Variants in TRIM34 observed in about 807,000 individuals in gnomAD.
TRIM34 encodes E3 ubiquitin-protein ligase TRIM34.
A neutral mutation model predicts 38.1 loss-of-function variants in TRIM34; 41 were observed. That is an observed-to-expected ratio of 1.08 (90% CI 0.84 to 1.40). TRIM34 has a LOEUF of 1.40. TRIM34 is among the 40% of genes most tolerant of loss of function. TRIM34 has a pLI of 0.00. For missense variants in TRIM34, 556 were observed against 571.4 expected, an observed-to-expected ratio of 0.97 and a Z score of 0.27; for synonymous variants, 200 against 202.5, an observed-to-expected ratio of 0.99 and a Z score of 0.10.
chr11:5,625,519 C>T (rs1564880904), intron 1 of TRIM34, among the ~76,000 whole-genome samples: 2 of 152,112 alleles, frequency 1.3e-5, no homozygotes, highest in Admixed American at 6.6e-5. Context: ...TAGTATGTGG[C>T]GTCAGATAGA....
chr11:5,642,316 C>A, intron 5 of TRIM34, 90 bp from the exon 6 acceptor site: 1 of 1,180,486 alleles, frequency 8.5e-7, no homozygotes, highest in South Asian at 1.4e-5. Context: ...TCAAGTGCAT[C>A]AGTGATGTGA....
intron 4 of TRIM34, among the ~76,000 whole-genome samples, chr11:5,638,993 T>G (rs1415862750): frequency 6.6e-6 from 1 of 152,188 alleles, no homozygotes; most frequent in Non-Finnish European, 1.5e-5. Flanking sequence ...TTTCAATCTA[T>G]ATCTATCTTT....
At position 5,634,548 on chromosome 11, in the gene TRIM34, T is replaced by TATATATA. The variant is rs1849640761; in HGVS notation, c.520-83_520-82insATATATA. 6 of 987,928 alleles carry TATATATA rather than the reference T, an allele frequency of 6.1e-6. No individual in the cohort carries two copies. In the African/African-American group the frequency reaches 8.8e-5, roughly 14 times the overall value. The allele number at this position is 987,928 out of a possible 1,614,324, so 61.2% of individuals were successfully genotyped here. A position where few individuals can be genotyped will look rare whatever the true frequency, so the allele number is the denominator to read the frequency against. ...ACACACACATATATATATATATATA[T>TATATATA]TTCCCTACTGGCTCCTAATCCCTTG... On this transcript the variant is annotated intron_variant, in intron 3 of 7. Transcript: ENST00000429814.
At chr11:5,638,432 AAC>A (rs1347839341) in intron 4 of TRIM34, among the ~76,000 whole-genome samples, 1 of 152,258 alleles carries the variant, frequency 6.6e-6, no homozygotes, top group African/African-American at 2.4e-5. Context: ...GTTGTTGAAC[AAC>A]AAAACTATGC....
chr11:5,620,351 G>A (rs1848945312), upstream of TRIM34, among the ~76,000 whole-genome samples: 6 of 151,316 alleles, frequency 4.0e-5, no homozygotes, highest in Admixed American at 3.9e-4. Flanking sequence ...CTAAGCTTTT[G>A]TATTTTTAGT....
rs546873590 is a variant in TRIM34, at chr11:5,635,375, A to C, written c.750+514A>C. On this transcript the variant is annotated intron_variant, in intron 4 of 7. Transcript: ENST00000429814. ...GGTTCACGCCATTCTCCTGCCCAGC[A>C]TCCCGAGTAGCTGGGACTACAGGCA... Among the ~76,000 whole-genome samples the C allele has an allele frequency of 2.9e-3, 439 of 151,018 alleles. 1 individual carries two copies. Among genetic ancestry groups the C allele is most frequent in the Middle Eastern group, 0.01 (3 of 292 alleles).
intron 1 of TRIM34, chr11:5,626,599 A>C (rs1408935427): frequency 1.3e-5 from 2 of 152,174 alleles, no homozygotes; most frequent in East Asian, 3.9e-4. Context: ...GTGAGTTCTT[A>C]CCAGGCGCGG....
At chr11:5,637,172 A>G (rs1372248860) in intron 4 of TRIM34, among the ~76,000 whole-genome samples, 3 of 149,286 alleles carry the variant, frequency 2.0e-5, no homozygotes, top group Admixed American at 1.3e-4. Flanking sequence ...GACTCAGTCT[A>G]AAAAAAAAAG....
rs77178606 is a variant in TRIM34, at chr11:5,627,526, G to A, written c.-78+2466G>A. On this transcript the variant is annotated intron_variant, in intron 1 of 7. Coordinates refer to ENST00000429814, the MANE Select transcript of TRIM34 (RefSeq NM_021616.6). ...AACTCTTTCAGCATATTCTCACGAA[G>A]TAACAGACAGAAAAAGACATTAGGG... Among the ~76,000 whole-genome samples, 1,426 of 152,302 alleles carry A rather than the reference G, an allele frequency of 9.4e-3. 21 individuals are homozygous for A. The highest frequency in any genetic ancestry group is 0.033 in the African/African-American group (1,361 of 41,550).
At chr11:5,625,927 G>GCTTCT (rs1367473862) in intron 1 of TRIM34, among the ~76,000 whole-genome samples, 7 of 152,244 alleles carry the variant, frequency 4.6e-5, no homozygotes, top group African/African-American at 1.4e-4. Flanking sequence ...GGGCTCAGAA[G>GCTTCT]GAGCCCACGG....
At position 5,644,276 on chromosome 11, in the gene TRIM34, A is replaced by C. The variant is rs1443915085; in HGVS notation, c.*567A>C. 2 of 398,810 alleles carry C rather than the reference A, an allele frequency of 5.0e-6. No homozygotes were observed. The highest frequency in any genetic ancestry group is 2.1e-5 in the African/African-American group (1 of 48,624). The allele number at this position is 398,810 out of a possible 1,614,324, so 24.7% of individuals were successfully genotyped here. On this transcript the variant is annotated 3_prime_UTR_variant, in exon 8 of 8. Coordinates refer to ENST00000429814, the MANE Select transcript of TRIM34 (RefSeq NM_021616.6). ...CTCAGTTTCTTTTTCCTGAAATATAAATTGGGATTTAAGACTGTACCTAAC... is the reference window on the plus strand; with the variant it reads ...CTCAGTTTCTTTTTCCTGAAATATACATTGGGATTTAAGACTGTACCTAAC...
At chr11:5,633,203 G>A (rs576878186) in intron 2 of TRIM34, among the ~76,000 whole-genome samples, 328 of 148,466 alleles carry the variant, frequency 2.2e-3, no homozygotes, top group African/African-American at 7.8e-3. Context: ...GGGTGCAGGC[G>A]GACTGAGTCT....
chr11:5,633,950 T>C, intron 3 of TRIM34, 51 bp downstream of exon 3: 1 of 1,598,436 alleles, frequency 6.3e-7, no homozygotes, highest in Non-Finnish European at 8.5e-7. Flanking sequence ...GACAGGACCT[T>C]AATCCAAGGA....
In TRIM34 at chr11:5,633,909, G is replaced by T; in HGVS notation, c.519+10G>T. ...GAAAACTTCCTGGAAGGCAAGAGGA[G>T]ATTCTGAAGGTTTTCTGAGACAGGA... On this transcript the variant is annotated intron_variant, in intron 3 of 7. Coordinates refer to ENST00000429814, the MANE Select transcript of TRIM34 (RefSeq NM_021616.6). 1 of 1,613,074 alleles carries T rather than the reference G, an allele frequency of 6.2e-7. No homozygotes were observed. The highest frequency in any genetic ancestry group is 8.5e-7 in the Non-Finnish European group (1 of 1,179,640).
intron 2 of TRIM34, 67 bp downstream of exon 2, chr11:5,632,821 CCTTTTT>C: frequency 8.4e-7 from 1 of 1,189,826 alleles, no homozygotes; most frequent in Non-Finnish European, 1.1e-6. Context: ...ACCTTTTCAT[CCTTTTT>C]TTTTTTTTTT....
intron 4 of TRIM34, among the ~76,000 whole-genome samples, chr11:5,640,181 C>T (rs528130304): frequency 1.3e-5 from 2 of 152,284 alleles, no homozygotes; most frequent in South Asian, 4.1e-4. Flanking sequence ...TGAGAGCAAA[C>T]ATCCTTGTCT....
chr11:5,642,374 T>C, intron 5 of TRIM34, 32 bp from the exon 6 acceptor site: 1 of 1,590,908 alleles, frequency 6.3e-7, no homozygotes. Flanking sequence ...GGATGAGAGA[T>C]GTGGGGGTCA....
At chr11:5,642,273 C>G in intron 5 of TRIM34, 133 bp from the exon 6 acceptor site, 1 of 720,610 alleles carries the variant, frequency 1.4e-6, no homozygotes, top group Non-Finnish European at 2.2e-6. Flanking sequence ...CCGGCTCTCC[C>G]TTCTCCCCCT....
chr11:5,632,799 G>T, intron 2 of TRIM34, 45 bp downstream of exon 2: 1 of 1,483,036 alleles, frequency 6.7e-7, no homozygotes, highest in South Asian at 1.4e-5. Flanking sequence ...ATGGTAGTTG[G>T]TGGAAAATCT....
Sources: allele counts gnomAD v4.1 joint callset (sites outside exome capture counted in the v4.1 genomes callset), GRCh38; gene constraint gnomAD v4.1.1; transcripts MANE v1.5; gene names NCBI Gene and HGNC (gene_info 2026-07-23, HGNC 2026-07-21).